The following VPS13C variants were observed in gnomAD, a reference collection of about 807,000 sequenced individuals.
The protein encoded by VPS13C is vacuolar protein sorting 13 homolog C, also known as intermembrane lipid transfer protein VPS13C.
Under a neutral mutation model 456.8 loss-of-function variants are expected in VPS13C, and 358 were observed. The observed-to-expected ratio is 0.78, with a 90% CI of 0.72 to 0.86. VPS13C has a LOEUF of 0.86. Ranked by LOEUF, VPS13C falls within the 40% of genes least tolerant of loss-of-function variation. VPS13C has a pLI of 0.00. For synonymous variants in VPS13C, 1,578 were observed against 1,486.7 expected, an observed-to-expected ratio of 1.06 and a Z score of -1.41; for missense variants, 4,818 against 4,385.4, an observed-to-expected ratio of 1.10 and a Z score of -2.79.
intron 2 of VPS13C, among the ~76,000 whole-genome samples, chr15:62,043,422 A>G (rs1430805068): frequency 6.6e-6 from 1 of 152,188 alleles, no homozygotes; most frequent in East Asian, 1.9e-4. Context: ...CCTGGCCAAC[A>G]TGGCAAAACC....
Position 61,984,920 on chromosome 15 carries a change from A to C in VPS13C, c.1658T>G (p.Leu553Arg). The C allele has an allele frequency of 6.2e-7, 1 of 1,612,732 alleles. No homozygotes were observed. Among genetic ancestry groups the C allele is most frequent in the Non-Finnish European group, 8.5e-7 (1 of 1,179,524 alleles). The change falls in exon 19 of 85, where the codon CTA (leucine) becomes CGA (arginine). Residue 553 changes from leucine to arginine, a missense_variant. Leu to Arg is a moderately radical substitution (Grantham distance 102). Transcript: ENST00000644861. Reference sequence around the variant, plus strand: ...GCCCAGGCCAATTATCTGAATTTTTAGTATTTCTGGAATATTCTTGTTTTC... The same window carrying C: ...GCCCAGGCCAATTATCTGAATTTTTCGTATTTCTGGAATATTCTTGTTTTC... ...IRENKNIPEI[L>R]KIQIIGLGTQ...
At position 61,856,283 on chromosome 15, in the gene VPS13C, T is replaced by C. The variant is rs368174588; in HGVS notation, c.11076+3A>G. On this transcript the variant is annotated splice_donor_region_variant and intron_variant, in intron 83 of 84. Transcript: ENST00000644861. ...GCTCTAAAGGTGTGACATGTTTTCT[T>C]ACCTTAACTGAAATTTTTAGCACAT... 1.0e-4 allele frequency: 165 copies of C among 1,612,794 alleles called. No homozygotes were observed. Among genetic ancestry groups the C allele is most frequent in the Non-Finnish European group, 1.3e-4 (159 of 1,179,320 alleles).
At chr15:62,025,539 T>A (rs2047608843) in intron 6 of VPS13C, among the ~76,000 whole-genome samples, 1 of 152,104 alleles carries the variant, frequency 6.6e-6, no homozygotes, top group African/African-American at 2.4e-5. Flanking sequence ...AGACATAGAC[T>A]CAGCTGCCTC....
chr15:61,953,161 G>T (rs1383128128), intron 38 of VPS13C, among the ~76,000 whole-genome samples: 1 of 151,908 alleles, frequency 6.6e-6, no homozygotes, highest in Non-Finnish European at 1.5e-5. Flanking sequence ...ACACTTTTAT[G>T]CCTGTTCCTC....
At chr15:62,040,006 A>G (rs895028019) in intron 3 of VPS13C, among the ~76,000 whole-genome samples, 2 of 152,208 alleles carry the variant, frequency 1.3e-5, no homozygotes, top group Non-Finnish European at 2.9e-5. Context: ...GTAAATATAC[A>G]CAATGGAGTA....
intron 78 of VPS13C, among the ~76,000 whole-genome samples, chr15:61,872,774 T>G (rs1340908619): frequency 6.6e-6 from 1 of 152,144 alleles, no homozygotes; most frequent in East Asian, 1.9e-4. Context: ...ACTTTTAAGT[T>G]CTTATAATTA....
At chr15:61,930,254 T>C (rs548169053) in intron 50 of VPS13C, among the ~76,000 whole-genome samples, 13 of 152,348 alleles carry the variant, frequency 8.5e-5, no homozygotes, top group Admixed American at 1.3e-4. Flanking sequence ...TGCTCAACTA[T>C]AGTTCCCCTA....
At position 61,927,136 on chromosome 15, in the gene VPS13C, G is replaced by GA; in HGVS notation, c.6470dup (p.Ala2158ArgfsTer41). The GA allele has an allele frequency of 6.2e-7, 1 of 1,614,132 alleles. No homozygotes were observed. The highest frequency in any genetic ancestry group is 8.5e-7 in the Non-Finnish European group (1 of 1,180,022). On this transcript the variant is annotated frameshift_variant, in exon 52 of 85. Coordinates refer to ENST00000644861, the MANE Select transcript of VPS13C (RefSeq NM_020821.3). LOFTEE classifies it high-confidence loss of function. ...TCTTTTCTCTGAGAAAAGGGCAAGC[G>GA]AGCACTTTCAGATCTCTCACAGAAG...
chr15:61,922,695 T>C lies in VPS13C; in HGVS notation c.6677A>G (p.Asp2226Gly), dbSNP rs2043700679. 3 of 1,613,956 alleles carry C rather than the reference T, an allele frequency of 1.9e-6. No homozygotes were observed. Among genetic ancestry groups the C allele is most frequent in the South Asian group, 2.2e-5 (2 of 91,044 alleles). Residue 2226 changes from aspartate to glycine, a missense_variant, in exon 54 of 85, where the codon GAT becomes GGT. Asp to Gly is a moderately conservative substitution (Grantham distance 94). Around this residue, in one of 3 missense-constraint regions of VPS13C, gnomAD observed 4,552 missense variants for 4,130.6 expected, o/e 1.10. Transcript: ENST00000644861. ...MAALSPKTKE[D>G]GSKDTSKEME... ...TTCCTTAGACGTATCTTTGGATCCA[T>C]CTTCTTTTGTTTTTGGAGACAATGC...
chr15:62,023,758 G>A (rs1224394031), intron 7 of VPS13C, 22 bp downstream of exon 7: 1 of 1,592,074 alleles, frequency 6.3e-7, no homozygotes, highest in East Asian at 2.2e-5. Flanking sequence ...CAACACCATG[G>A]CATAAAACTA....
intron 61 of VPS13C, among the ~76,000 whole-genome samples, chr15:61,914,876 C>CT: frequency 1.5e-5 from 1 of 65,100 alleles, no homozygotes; most frequent in Middle Eastern, 7.4e-3. Flanking sequence ...AAAACTCTGC[C>CT]TTAAAAAAAA....
intron 49 of VPS13C, among the ~76,000 whole-genome samples, chr15:61,932,421 C>T (rs1453675251): frequency 1.3e-5 from 2 of 151,918 alleles, no homozygotes; most frequent in African/African-American, 4.8e-5. Context: ...ATCGAAGTCT[C>T]AAATCCCAAA....
At chr15:62,036,935 T>A (rs1262069680) in intron 3 of VPS13C, among the ~76,000 whole-genome samples, 1 of 151,034 alleles carries the variant, frequency 6.6e-6, no homozygotes, top group Non-Finnish European at 1.5e-5. Context: ...ACCCTACAGG[T>A]TAGGTATAAT....
At chr15:62,041,992 CAT>C (rs1222224040) in intron 2 of VPS13C, among the ~76,000 whole-genome samples, 2 of 152,036 alleles carry the variant, frequency 1.3e-5, no homozygotes, top group African/African-American at 2.4e-5. Context: ...AATTTAAACA[CAT>C]AGACAATGTT....
At chr15:61,923,248 A>G (rs2043721347) in intron 53 of VPS13C, among the ~76,000 whole-genome samples, 1 of 150,474 alleles carries the variant, frequency 6.6e-6, no homozygotes, top group South Asian at 2.1e-4. Context: ...CATTTGCCTT[A>G]TTAAAGCTGG....
chr15:62,059,319 G>A (rs1181722017), intron 1 of VPS13C, among the ~76,000 whole-genome samples: 1 of 152,160 alleles, frequency 6.6e-6, no homozygotes, highest in East Asian at 1.9e-4. Flanking sequence ...ATAGCTATTT[G>A]TTGTTGCTTG....
In VPS13C at chr15:61,869,641, C is replaced by G; in HGVS notation, c.10625-18G>C. ...TTTGGCACCTTCAGAAAACCAATGACCATGAATGGATAAAGATATTTTTAA... is the reference window on the plus strand; with the variant it reads ...TTTGGCACCTTCAGAAAACCAATGAGCATGAATGGATAAAGATATTTTTAA... On this transcript the variant is annotated intron_variant, in intron 79 of 84. Coordinates refer to ENST00000644861, the MANE Select transcript of VPS13C (RefSeq NM_020821.3). 6.2e-7 allele frequency: 1 copy of G among 1,613,678 alleles called. No homozygotes were observed. The highest frequency in any genetic ancestry group is 8.5e-7 in the Non-Finnish European group (1 of 1,179,842).
chr15:61,866,815 C>A (rs972916065), intron 81 of VPS13C: 1 of 977,164 alleles, frequency 1.0e-6, no homozygotes, highest in Non-Finnish European at 1.2e-6. Context: ...ATTTTGATAA[C>A]TGCAATCCTT....
intron 27 of VPS13C, among the ~76,000 whole-genome samples, chr15:61,970,867 A>C (rs1186174940): frequency 6.7e-6 from 1 of 149,826 alleles, no homozygotes; most frequent in African/African-American, 2.4e-5. Context: ...TTTAAAAAAA[A>C]AAAAAAAAAA....
Sources: gnomAD v4.1 joint callset for allele counts (sites outside exome capture counted in the v4.1 genomes callset) on GRCh38, gnomAD v4.1.1 for gene constraint, gnomAD v4.1.1 regional missense constraint, MANE v1.5 for transcripts, NCBI Gene and HGNC (gene_info 2026-07-23, HGNC 2026-07-21) for gene names.